The following TAFA2 variants were observed in gnomAD, a reference collection of about 807,000 sequenced individuals.
The protein encoded by TAFA2 is TAFA chemokine like family member 2.
A neutral mutation model predicts 18.8 loss-of-function variants in TAFA2; 7 were observed. The observed-to-expected ratio is 0.37, with a 90% CI of 0.21 to 0.70. The LOEUF (loss-of-function observed/expected upper bound fraction) is 0.70. TAFA2 is among the 30% of genes least tolerant of loss of function. The pLI, the probability that TAFA2 is intolerant of heterozygous loss-of-function variation, is 0.53. For missense variants in TAFA2, 122 were observed against 158.1 expected (o/e 0.77, Z 1.23); for synonymous variants, 60 against 54.2 (o/e 1.11, Z -0.47).
chr12:62,217,897 A>G (rs1372009618), intron 1 of TAFA2, among the ~76,000 whole-genome samples: 2 of 152,358 alleles, frequency 1.3e-5, no homozygotes, highest in East Asian at 3.9e-4. Flanking sequence ...AAAATGAGCC[A>G]GGAGAAAAAA....
chr12:61,851,977 G>T (rs539650006), intron 2 of TAFA2, among the ~76,000 whole-genome samples: 1 of 151,876 alleles, frequency 6.6e-6, no homozygotes, highest in African/African-American at 2.4e-5. Flanking sequence ...GGAGGCCGAG[G>T]GGGGCAGAGC....
rs143720456 is a variant in TAFA2, at chr12:61,710,619, T to C, written c.385-202A>G. On this transcript the variant is annotated intron_variant, in intron 4 of 4. Coordinates refer to ENST00000416284, the MANE Select transcript of TAFA2 (RefSeq NM_178539.5). Reference sequence around the variant, plus strand: ...TTTTTCTCATTATCATCTCACAATATTTTTAAAGCCATTTGCACAATTATC... The same window carrying C: ...TTTTTCTCATTATCATCTCACAATACTTTTAAAGCCATTTGCACAATTATC... Among the ~76,000 whole-genome samples the C allele has an allele frequency of 4.0e-3, 614 of 152,264 alleles. 8 individuals carry two copies. Among genetic ancestry groups the C allele is most frequent in the African/African-American group, 0.014 (572 of 41,576 alleles).
chr12:61,760,226 G>A (rs1869474204), intron 2 of TAFA2, among the ~76,000 whole-genome samples: 1 of 150,968 alleles, frequency 6.6e-6, no homozygotes, highest in African/African-American at 2.4e-5. Flanking sequence ...AGAGAAGAGA[G>A]GTAACCTTTT....
At chr12:61,916,378 A>G (rs1876820987) in intron 1 of TAFA2, among the ~76,000 whole-genome samples, 3 of 152,174 alleles carry the variant, frequency 2.0e-5, no homozygotes, top group Admixed American at 2.0e-4. Flanking sequence ...ACACTCCTCG[A>G]CGGTTGATTG....
intron 2 of TAFA2, among the ~76,000 whole-genome samples, chr12:61,821,636 G>T (rs1024502665): frequency 2.0e-5 from 3 of 152,044 alleles, no homozygotes; most frequent in Non-Finnish European, 4.4e-5. Context: ...ACATGAATTT[G>T]CAAGTAAGAA....
At chr12:61,826,284 G>A (rs2121072452) in intron 2 of TAFA2, among the ~76,000 whole-genome samples, 1 of 151,880 alleles carries the variant, frequency 6.6e-6, no homozygotes, top group Non-Finnish European at 1.5e-5. Flanking sequence ...TATTTCCAGA[G>A]CATTTAACAA....
intron 1 of TAFA2, among the ~76,000 whole-genome samples, chr12:62,160,915 A>C (rs1243034275): frequency 6.6e-6 from 1 of 152,186 alleles, no homozygotes; most frequent in African/African-American, 2.4e-5. Context: ...CAGCCACCCA[A>C]GACTCCAAAG....
intron 4 of TAFA2, among the ~76,000 whole-genome samples, chr12:61,728,032 G>GTTTT (rs71083954): frequency 2.3e-5 from 3 of 128,470 alleles, no homozygotes; most frequent in Admixed American, 8.0e-5. Flanking sequence ...TTTGAGGGTT[G>GTTTT]TTTTTTTTTT....
At chr12:62,106,417 C>T (rs1408869705) in intron 1 of TAFA2, among the ~76,000 whole-genome samples, 1 of 151,960 alleles carries the variant, frequency 6.6e-6, no homozygotes, top group East Asian at 1.9e-4. Flanking sequence ...AGGTTTAAGG[C>T]GAACACTAAG....
intron 1 of TAFA2, among the ~76,000 whole-genome samples, chr12:61,974,056 G>C (rs996319628): frequency 1.3e-5 from 2 of 151,698 alleles, no homozygotes; most frequent in Admixed American, 6.6e-5. Context: ...CTAGTAAGTA[G>C]ACCAGCTATT....
chr12:62,229,994 A>T (rs2062805236), intron 1 of TAFA2, among the ~76,000 whole-genome samples: 1 of 151,912 alleles, frequency 6.6e-6, no homozygotes, highest in Admixed American at 6.6e-5. Flanking sequence ...CCATTCCTTC[A>T]AGTTTTCCAA....
At position 62,015,985 on chromosome 12, in the gene TAFA2, C is replaced by T. The variant is rs189758687; in HGVS notation, c.-1-148559G>A. 1.1e-4 allele frequency among the ~76,000 whole-genome samples: 17 copies of T among 152,200 alleles called. No homozygotes were observed. The South Asian group carries it at 2.1e-3, about 19-fold the overall frequency. ...ATGGATGATGGTAATGGTTGCACAA[C>T]GTTAATAGATGTAATGCCACCAAAT... On this transcript the variant is annotated intron_variant, in intron 1 of 4. Transcript: ENST00000416284.
upstream of TAFA2, among the ~76,000 whole-genome samples, chr12:62,259,242 T>C (rs2062967717): frequency 6.6e-6 from 1 of 152,226 alleles, no homozygotes; most frequent in Admixed American, 6.5e-5. Context: ...CTGGACATCA[T>C]GCTCGGGAAT....
intron 2 of TAFA2, among the ~76,000 whole-genome samples, chr12:61,793,885 G>A (rs1346567856): frequency 6.6e-6 from 1 of 151,814 alleles, no homozygotes; most frequent in Non-Finnish European, 1.5e-5. Flanking sequence ...ATAACACAAA[G>A]TGACCAAGTT....
rs76504659 is a variant in TAFA2 at position 61,961,043 on chromosome 12, G to A, written c.-1-93617C>T. ...TGTGCCTACTTCCCCATTACCTTCC[G>A]CCATGATTGTAAGTTTCCTGGTGAG... On this transcript the variant is annotated intron_variant, in intron 1 of 4. Coordinates refer to ENST00000416284, the MANE Select transcript of TAFA2 (RefSeq NM_178539.5). 8.2e-3 allele frequency among the ~76,000 whole-genome samples: 1,246 copies of A among 151,932 alleles called. 17 individuals are homozygous for A. Among genetic ancestry groups the A allele is most frequent in the African/African-American group, 0.029 (1,198 of 41,466 alleles).
chr12:61,763,766 A>C (rs1241699460), intron 2 of TAFA2, among the ~76,000 whole-genome samples: 1 of 151,956 alleles, frequency 6.6e-6, no homozygotes, highest in African/African-American at 2.4e-5. Flanking sequence ...GGAAGCAATC[A>C]GGAAAGGGAA....
chr12:61,857,220 T>C (rs993533851), intron 2 of TAFA2, among the ~76,000 whole-genome samples: 5 of 152,038 alleles, frequency 3.3e-5, no homozygotes, highest in South Asian at 2.1e-4. Flanking sequence ...AATAGAAACA[T>C]TGAGTTGGCA....
At chr12:62,230,518 T>C (rs892000190) in intron 1 of TAFA2, among the ~76,000 whole-genome samples, 1 of 152,244 alleles carries the variant, frequency 6.6e-6, no homozygotes, top group Admixed American at 6.5e-5. Context: ...TCTATGGTTT[T>C]CAAAGTTCCT....
At chr12:62,016,658 C>G (rs193014093) in intron 1 of TAFA2, among the ~76,000 whole-genome samples, 2 of 152,138 alleles carry the variant, frequency 1.3e-5, no homozygotes, top group Non-Finnish European at 2.9e-5. Context: ...CATACTGCAA[C>G]AACATTCCTC....
Sources: allele counts gnomAD v4.1 joint callset (sites outside exome capture counted in the v4.1 genomes callset), GRCh38; gene constraint gnomAD v4.1.1; transcripts MANE v1.5; gene names NCBI Gene and HGNC (gene_info 2026-07-23, HGNC 2026-07-21).